Variants in EXOC6B observed in about 807,000 individuals in gnomAD.
EXOC6B encodes the protein exocyst complex component 6B, also known as SEC15 homolog B.
A neutral mutation model predicts 113.5 loss-of-function variants in EXOC6B; 54 were observed. The ratio of observed to expected loss-of-function variants is 0.48; its 90% confidence interval spans 0.38 to 0.60. EXOC6B has a LOEUF of 0.60. EXOC6B is among the 20% of genes least tolerant of loss of function. EXOC6B has a pLI of 0.00. For synonymous variants in EXOC6B, 357 were observed against 339.0 expected, an observed-to-expected ratio of 1.05 and a Z score of -0.58; for missense variants, 797 against 977.5, an observed-to-expected ratio of 0.82 and a Z score of 2.46.
At chr2:72,389,423 A>G (rs112840296) in intron 18 of EXOC6B, among the ~76,000 whole-genome samples, 2,854 of 152,062 alleles carry the variant, frequency 0.019, 107 homozygotes, top group African/African-American at 0.065. Context: ...TTTAAAGTCC[A>G]TTACATATTA....
intron 6 of EXOC6B, among the ~76,000 whole-genome samples, chr2:72,601,124 ATGTGTGTGTGTGTGTGTGTG>A (rs61668760): frequency 3.5e-4 from 48 of 138,682 alleles, no homozygotes; most frequent in African/African-American, 1.2e-3. Flanking sequence ...GTGTGTGTGT[ATGTGTGTGTGTGTGTGTGTG>A]TGTGTGTGTG....
chr2:72,689,537 A>AGG, intron 6 of EXOC6B, among the ~76,000 whole-genome samples: 1 of 152,190 alleles, frequency 6.6e-6, no homozygotes, highest in Non-Finnish European at 1.5e-5. Context: ...TTCATATCCT[A>AGG]GGGGATATAA....
intron 20 of EXOC6B, among the ~76,000 whole-genome samples, chr2:72,331,297 T>C (rs1688408166): frequency 6.6e-6 from 1 of 152,090 alleles, no homozygotes; most frequent in African/African-American, 2.4e-5. Context: ...GCACTTAGAC[T>C]TTGATAAAAT....
At chr2:72,341,873 G>GTAACCCAAA (rs1689049754) in intron 19 of EXOC6B, among the ~76,000 whole-genome samples, 1 of 151,990 alleles carries the variant, frequency 6.6e-6, no homozygotes, top group Non-Finnish European at 1.5e-5. Context: ...AATTTAACAT[G>GTAACCCAAA]ATTGTAATCA....
At chr2:72,594,997 G>A (rs1669976637) in intron 6 of EXOC6B, among the ~76,000 whole-genome samples, 1 of 152,054 alleles carries the variant, frequency 6.6e-6, no homozygotes. Flanking sequence ...AGTGGCTCAT[G>A]CCTGTAATCC....
intron 6 of EXOC6B, among the ~76,000 whole-genome samples, chr2:72,582,382 G>T (rs1300306318): frequency 3.3e-5 from 5 of 151,936 alleles, no homozygotes; most frequent in African/African-American, 1.2e-4. Context: ...AAAAGGCTGG[G>T]CACCTGTGGC....
intron 20 of EXOC6B, among the ~76,000 whole-genome samples, chr2:72,304,222 A>AT (rs1369870228): frequency 1.3e-5 from 2 of 152,212 alleles, no homozygotes; most frequent in African/African-American, 4.8e-5. Context: ...CTATTAATGG[A>AT]TATTTAAATT....
chr2:72,750,413 C>G (rs941980815), intron 1 of EXOC6B, among the ~76,000 whole-genome samples: 1 of 152,092 alleles, frequency 6.6e-6, no homozygotes, highest in Non-Finnish European at 1.5e-5. Flanking sequence ...AACCTAATCT[C>G]TCTAATCACC....
intron 6 of EXOC6B, among the ~76,000 whole-genome samples, chr2:72,684,981 A>T (rs1438630119): frequency 6.6e-6 from 1 of 152,162 alleles, no homozygotes; most frequent in Non-Finnish European, 1.5e-5. Flanking sequence ...TTTAAAATTT[A>T]CCTCAAAAGA....
intron 20 of EXOC6B, among the ~76,000 whole-genome samples, chr2:72,188,498 G>A (rs1678594606): frequency 6.6e-6 from 1 of 152,214 alleles, no homozygotes; most frequent in African/African-American, 2.4e-5. Context: ...CAGATGGACA[G>A]AGAGTGAACT....
chr2:72,431,336 G>A (rs901780005), intron 18 of EXOC6B, among the ~76,000 whole-genome samples: 1 of 151,788 alleles, frequency 6.6e-6, no homozygotes, highest in East Asian at 1.9e-4. Context: ...TTAGAGATGG[G>A]GTCTCAGTCT....
At chr2:72,402,015 G>C (rs531541688) in intron 18 of EXOC6B, among the ~76,000 whole-genome samples, 1 of 151,530 alleles carries the variant, frequency 6.6e-6, no homozygotes, top group Admixed American at 6.6e-5. Flanking sequence ...CAAAAAAATG[G>C]CCTCATAGAA....
intron 19 of EXOC6B, 105 bp from the exon 20 acceptor site, chr2:72,335,125 C>G (rs1688619470): frequency 2.0e-6 from 2 of 1,010,916 alleles, no homozygotes; most frequent in South Asian, 2.6e-5. Flanking sequence ...GAGAGGAGGA[C>G]CAAGCTTCTA....
chr2:72,267,944 T>C (rs1001230916), intron 20 of EXOC6B, among the ~76,000 whole-genome samples: 1 of 152,192 alleles, frequency 6.6e-6, no homozygotes, highest in African/African-American at 2.4e-5. Context: ...AACACTCATA[T>C]ATATGCACAA....
intron 3 of EXOC6B, 147 bp downstream of exon 3, chr2:72,732,924 T>C (rs1680731837): frequency 2.9e-6 from 2 of 687,626 alleles, no homozygotes; most frequent in Admixed American, 5.1e-5. Flanking sequence ...TTCATTTAAT[T>C]CAGATAAACA....
chr2:72,415,520 CT>C (rs1250123251), intron 18 of EXOC6B, among the ~76,000 whole-genome samples: 342 of 141,188 alleles, frequency 2.4e-3, no homozygotes, highest in Middle Eastern at 3.7e-3. Flanking sequence ...TCTGTGGTTT[CT>C]TTTTTTTTTT....
At position 72,236,281 on chromosome 2, in the gene EXOC6B, T is replaced by C. The variant is rs567435518; in HGVS notation, c.2197-52094A>G. Among the ~76,000 whole-genome samples, 184 of 152,300 alleles carry C rather than the reference T, an allele frequency of 1.2e-3. 2 individuals are homozygous for C. The highest frequency in any genetic ancestry group is 3.7e-3 in the Admixed American group (57 of 15,298). ...GCAGCTGGAGAATAGGGCAGTAATA[T>C]TGGGCCACTAATACACAAGACGAGA... On this transcript the variant is annotated intron_variant, in intron 20 of 21. Transcript: ENST00000272427.
At chr2:72,397,729 G>C (rs1423957011) in intron 18 of EXOC6B, among the ~76,000 whole-genome samples, 1 of 151,704 alleles carries the variant, frequency 6.6e-6, no homozygotes, top group Non-Finnish European at 1.5e-5. Flanking sequence ...CACCTAATAA[G>C]TATGTGAAAT....
At chr2:72,415,934 G>A (rs928568649) in intron 18 of EXOC6B, among the ~76,000 whole-genome samples, 2 of 152,108 alleles carry the variant, frequency 1.3e-5, no homozygotes, top group South Asian at 2.1e-4. Context: ...TGACCAATAC[G>A]GTAGTGACTT....
Sources: gnomAD v4.1 joint callset for allele counts (sites outside exome capture counted in the v4.1 genomes callset) on GRCh38, gnomAD v4.1.1 for gene constraint, MANE v1.5 for transcripts, NCBI Gene and HGNC (gene_info 2026-07-23, HGNC 2026-07-21) for gene names.